ANKS1B: variants seen among roughly 807,000 people sequenced by gnomAD.
ANKS1B encodes the protein ankyrin repeat and sterile alpha motif domain-containing protein 1B.
ANKS1B carries 36 observed loss-of-function variants against 148.3 expected under a neutral mutation model. That is an observed-to-expected ratio of 0.24 (90% CI 0.19 to 0.32). The LOEUF is 0.32. Among genes scored for constraint, ANKS1B ranks in the 10% least tolerant of loss-of-function variants. ANKS1B has a pLI of 1.00. For synonymous variants in ANKS1B, 542 were observed against 560.8 expected, an observed-to-expected ratio of 0.97 and a Z score of 0.47; for missense variants, 1,157 against 1,542.6, an observed-to-expected ratio of 0.75 and a Z score of 4.19.
At position 99,657,659 on chromosome 12, in the gene ANKS1B, A is replaced by ATATATATATT. The variant is rs66516058; in HGVS notation, c.1129-2450_1129-2449insAATATATATA. On this transcript the variant is annotated intron_variant, in intron 8 of 26. Transcript: ENST00000683438. ...AATCTGAAAGAGTATATATATATAT[A>ATATATATATT]TGATAAAGTTGTTCACAGGAATAAA... is the stretch of plus-strand genomic sequence containing the variant. Among the ~76,000 whole-genome samples the ATATATATATT allele has an allele frequency of 4.1e-3, 604 of 146,832 alleles. 26 individuals carry two copies. The East Asian group carries it at 0.062, about 15-fold the overall frequency.
intron 9 of ANKS1B, among the ~76,000 whole-genome samples, chr12:98,735,948 G>A (rs1261674513): frequency 6.6e-6 from 1 of 152,118 alleles, no homozygotes; most frequent in Non-Finnish European, 1.5e-5. Context: ...TGCATCTGTC[G>A]GGAAACCATT....
At chr12:98,980,381 T>C (rs976585056) in intron 17 of ANKS1B, among the ~76,000 whole-genome samples, 1 of 152,188 alleles carries the variant, frequency 6.6e-6, no homozygotes, top group Non-Finnish European at 1.5e-5. Context: ...TTCATTTTCG[T>C]ATTTTTAGTA....
rs186274450 is a variant in ANKS1B at position 99,556,887 on chromosome 12, C to T, written c.1273-52246G>A. On this transcript the variant is annotated intron_variant, in intron 9 of 26. Transcript: ENST00000683438. ...ATTGTGTGGTTGCTTTTAGAATATG[C>T]GCCATGTGCAGATCAGAAGAATGTA... is the stretch of plus-strand genomic sequence containing the variant. Among the ~76,000 whole-genome samples the T allele has an allele frequency of 5.3e-5, 8 of 152,160 alleles. No homozygotes were observed. In the South Asian group the frequency reaches 6.2e-4, roughly 12 times the overall value.
intron 1 of ANKS1B, among the ~76,000 whole-genome samples, chr12:99,918,025 A>C (rs2094225169): frequency 6.6e-6 from 1 of 152,238 alleles, no homozygotes; most frequent in African/African-American, 2.4e-5. Flanking sequence ...TCCTTATGAG[A>C]ATCTAATGCC....
chr12:99,036,332 TAAGCAA>T (rs2099955567), intron 17 of ANKS1B, among the ~76,000 whole-genome samples: 1 of 152,180 alleles, frequency 6.6e-6, no homozygotes, highest in African/African-American at 2.4e-5. Context: ...TTTTTTTTCT[TAAGCAA>T]AAGGAAAATA....
chr12:99,351,696 A>G (rs927362727), intron 12 of ANKS1B, among the ~76,000 whole-genome samples: 2 of 152,080 alleles, frequency 1.3e-5, no homozygotes, highest in Admixed American at 1.3e-4. Flanking sequence ...CAGGTGCTCA[A>G]ATTGGTGGCT....
At chr12:99,558,167 A>C (rs1030765456) in intron 9 of ANKS1B, among the ~76,000 whole-genome samples, 1 of 152,126 alleles carries the variant, frequency 6.6e-6, no homozygotes, top group Non-Finnish European at 1.5e-5. Context: ...ATGCACACAC[A>C]TGATGGGGTC....
intron 17 of ANKS1B, among the ~76,000 whole-genome samples, chr12:98,926,391 C>A (rs1429896712): frequency 6.6e-6 from 1 of 152,150 alleles, no homozygotes; most frequent in Non-Finnish European, 1.5e-5. Flanking sequence ...TAATAAAGGG[C>A]ATCAACAACA....
intron 12 of ANKS1B, among the ~76,000 whole-genome samples, chr12:99,337,642 G>A (rs2089179256): frequency 6.6e-6 from 1 of 152,138 alleles, no homozygotes; most frequent in Non-Finnish European, 1.5e-5. Flanking sequence ...CTTCTTGGGA[G>A]GGATTTCCAA....
intron 15 of ANKS1B, among the ~76,000 whole-genome samples, chr12:99,134,618 A>C (rs1392719800): frequency 5.3e-5 from 6 of 113,746 alleles, no homozygotes; most frequent in African/African-American, 1.0e-4. Flanking sequence ...CTCTGTCTCT[A>C]TCCCTTTCTG....
chr12:99,936,541 C>A (rs2094776084), intron 1 of ANKS1B, among the ~76,000 whole-genome samples: 2 of 152,160 alleles, frequency 1.3e-5, no homozygotes, highest in Non-Finnish European at 2.9e-5. Flanking sequence ...TAACTGTCTA[C>A]TCTTTGGCTA....
chr12:99,583,583 T>C (rs758073206), intron 9 of ANKS1B, among the ~76,000 whole-genome samples: 3 of 152,208 alleles, frequency 2.0e-5, no homozygotes, highest in Non-Finnish European at 4.4e-5. Context: ...TTAGATCAAA[T>C]GGCTGTGAAG....
At chr12:99,383,186 C>T (rs1286199106) in intron 12 of ANKS1B, among the ~76,000 whole-genome samples, 1 of 152,128 alleles carries the variant, frequency 6.6e-6, no homozygotes, top group Non-Finnish European at 1.5e-5. Context: ...ATTCTGTTGC[C>T]TAAACCTTAG....
chr12:99,028,999 A>C (rs1402566533), intron 17 of ANKS1B, among the ~76,000 whole-genome samples: 1 of 152,240 alleles, frequency 6.6e-6, no homozygotes, highest in East Asian at 1.9e-4. Flanking sequence ...ATTAATAAAA[A>C]GTTTTCATGC....
At chr12:99,787,748 C>A (rs1443698920) in intron 4 of ANKS1B, among the ~76,000 whole-genome samples, 2 of 152,342 alleles carry the variant, frequency 1.3e-5, no homozygotes, top group African/African-American at 4.8e-5. Flanking sequence ...TCTTGAATCA[C>A]GGGCGCTGCC....
At chr12:99,873,840 C>T (rs1272730389) in intron 1 of ANKS1B, among the ~76,000 whole-genome samples, 1 of 152,072 alleles carries the variant, frequency 6.6e-6, no homozygotes, top group Non-Finnish European at 1.5e-5. Flanking sequence ...AAGGCCTTAA[C>T]AGTCTGACCT....
chr12:98,947,099 A>C (rs1387095042), intron 17 of ANKS1B, among the ~76,000 whole-genome samples: 2 of 152,022 alleles, frequency 1.3e-5, no homozygotes, highest in Non-Finnish European at 2.9e-5. Flanking sequence ...AGGAGAAAGG[A>C]GTGGTGGGAG....
chr12:99,761,438 C>G (rs961608664), intron 8 of ANKS1B, among the ~76,000 whole-genome samples: 12 of 152,040 alleles, frequency 7.9e-5, no homozygotes, highest in South Asian at 2.1e-4. Context: ...GATTTAAAAG[C>G]AAAATCAATA....
At chr12:99,551,366 GTCTCTTTAGGGCTT>G (rs2097215724) in intron 9 of ANKS1B, among the ~76,000 whole-genome samples, 1 of 152,000 alleles carries the variant, frequency 6.6e-6, no homozygotes, top group African/African-American at 2.4e-5. Context: ...TTCTAGCTAT[GTCTCTTTAGGGCTT>G]TCTAACTGTC....
Sources: allele counts gnomAD v4.1 joint callset (sites outside exome capture counted in the v4.1 genomes callset), GRCh38; gene constraint gnomAD v4.1.1; transcripts MANE v1.5; gene names NCBI Gene and HGNC (gene_info 2026-07-23, HGNC 2026-07-21).